Variants in PDE8A observed in about 807,000 individuals in gnomAD.
PDE8A encodes high affinity cAMP-specific and IBMX-insensitive 3',5'-cyclic phosphodiesterase 8A.
A neutral mutation model predicts 105.0 loss-of-function variants in PDE8A; 59 were observed. The ratio of observed to expected loss-of-function variants is 0.56; its 90% CI spans 0.46 to 0.70. The LOEUF (loss-of-function observed/expected upper bound fraction) is 0.70. Ranked by LOEUF, PDE8A falls within the 30% of genes least tolerant of loss-of-function variation. The pLI, the probability that PDE8A is intolerant of heterozygous loss-of-function variation, is 0.00. For missense variants in PDE8A, 1,014 were observed against 1,045.9 expected (o/e 0.97, Z 0.42); for synonymous variants, 355 against 371.9 (o/e 0.95, Z 0.52).
chr15:85,029,077 G>A (rs1484682887), intron 1 of PDE8A, among the ~76,000 whole-genome samples: 1 of 152,116 alleles, frequency 6.6e-6, no homozygotes, highest in African/African-American at 2.4e-5. Flanking sequence ...TTTCATTTAG[G>A]AATTCTTATT....
chr15:85,104,279 A>AATG (rs890693103), intron 11 of PDE8A, among the ~76,000 whole-genome samples: 1 of 152,140 alleles, frequency 6.6e-6, no homozygotes, highest in Non-Finnish European at 1.5e-5. Context: ...GCTTCCCAGC[A>AATG]ATGATGATGA....
rs1285119531 is a variant in PDE8A, at chr15:85,083,576, C to T, written c.567C>T (p.Asn189=). Residue 189 remains asparagine, a synonymous_variant, in exon 6 of 22, where the codon AAC becomes AAT. Transcript: ENST00000394553. The part of the protein sequence containing the change: ...GFTRRYVENP[N]IMACYNELLQ... ...TGTAGAGGTATGTAGAAAACCCCAA[C>T]ATCATGGCCTGCTACAATGAACTGC... The T allele has an allele frequency of 6.2e-7, 1 of 1,612,378 alleles. No individual in the cohort carries two copies. Among genetic ancestry groups the T allele is most frequent in the Non-Finnish European group, 8.5e-7 (1 of 1,178,428 alleles).
intron 6 of PDE8A, 88 bp from the exon 7 acceptor site, chr15:85,089,250 C>A (rs1322055585): frequency 1.3e-6 from 1 of 742,272 alleles, no homozygotes; most frequent in Non-Finnish European, 2.3e-6. Context: ...ATAAATCGGA[C>A]AAAAAATACA....
At chr15:85,070,329 G>A (rs534853179) in intron 3 of PDE8A, among the ~76,000 whole-genome samples, 1 of 152,250 alleles carries the variant, frequency 6.6e-6, no homozygotes, top group East Asian at 1.9e-4. Context: ...GGAACCCTAC[G>A]TTGTAAGTCT....
intron 2 of PDE8A, among the ~76,000 whole-genome samples, chr15:85,066,731 GAGTTCGA>G (rs2081235237): frequency 6.6e-6 from 1 of 152,048 alleles, no homozygotes; most frequent in African/African-American, 2.4e-5. Context: ...TTGAAGCCAG[GAGTTCGA>G]AATCAGCCTG....
intron 1 of PDE8A, among the ~76,000 whole-genome samples, chr15:85,001,994 G>C (rs1445715309): frequency 6.6e-6 from 1 of 151,934 alleles, no homozygotes; most frequent in Non-Finnish European, 1.5e-5. Context: ...TTAAGAGATG[G>C]GGTCTCGCTA....
chr15:84,992,166 A>G (rs778205466), intron 1 of PDE8A, among the ~76,000 whole-genome samples: 9 of 152,196 alleles, frequency 5.9e-5, no homozygotes, highest in Non-Finnish European at 1.0e-4. Context: ...TCAGGGAACA[A>G]TTAGTCCTTT....
intron 12 of PDE8A, among the ~76,000 whole-genome samples, chr15:85,109,382 T>C (rs958222203): frequency 1.3e-5 from 2 of 152,228 alleles, no homozygotes; most frequent in South Asian, 4.1e-4. Flanking sequence ...ATAGTTGCTT[T>C]TCTAAACTGT....
intron 14 of PDE8A, among the ~76,000 whole-genome samples, chr15:85,114,930 G>C (rs2082072344): frequency 6.6e-6 from 1 of 152,100 alleles, no homozygotes; most frequent in African/African-American, 2.4e-5. Context: ...TGGGCCAGGT[G>C]GTCTGGAAGC....
At chr15:85,040,723 G>A (rs530661302) in intron 1 of PDE8A, among the ~76,000 whole-genome samples, 19 of 151,954 alleles carry the variant, frequency 1.3e-4, no homozygotes, top group African/African-American at 4.6e-4. Context: ...ATCATACCCG[G>A]CTAATGTTTC....
chr15:85,072,082 C>G (rs1175183143), intron 3 of PDE8A, among the ~76,000 whole-genome samples: 2 of 152,274 alleles, frequency 1.3e-5, no homozygotes, highest in Middle Eastern at 3.4e-3. Context: ...AATGCAGAAG[C>G]AAGATTGAAC....
Position 85,017,266 on chromosome 15 carries a change from A to G in PDE8A, c.186+34918A>G, listed in dbSNP as rs901949501. Among the ~76,000 whole-genome samples the G allele has an allele frequency of 6.5e-4, 99 of 151,712 alleles. 1 individual carries two copies. In the East Asian group the frequency reaches 7.2e-3, roughly 11 times the overall value. On this transcript the variant is annotated intron_variant, in intron 1 of 21. Coordinates refer to ENST00000394553, the MANE Select transcript of PDE8A (RefSeq NM_002605.3). Reference sequence around the variant, plus strand: ...CTGGGCGACAGAGCGAGACTCCAAAAAAAAAAAAAATAAATAAATGAAGCC... The same window carrying G: ...CTGGGCGACAGAGCGAGACTCCAAAGAAAAAAAAAATAAATAAATGAAGCC...
At chr15:85,019,426 T>A (rs1273419550) in intron 1 of PDE8A, among the ~76,000 whole-genome samples, 1 of 152,192 alleles carries the variant, frequency 6.6e-6, no homozygotes, top group Non-Finnish European at 1.5e-5. Flanking sequence ...ACTTTTAAAA[T>A]TTTATTTTAA....
At chr15:85,052,568 G>T (rs1398732656) in intron 1 of PDE8A, among the ~76,000 whole-genome samples, 3 of 152,132 alleles carry the variant, frequency 2.0e-5, no homozygotes, top group Non-Finnish European at 4.4e-5. Context: ...TTTCTCTGAC[G>T]GCCAGTGATG....
At chr15:85,108,660 A>G (rs1336920961) in intron 11 of PDE8A, among the ~76,000 whole-genome samples, 1 of 152,142 alleles carries the variant, frequency 6.6e-6, no homozygotes, top group African/African-American at 2.4e-5. Context: ...TGTAGTCCTT[A>G]TTTTGTAGAG....
At chr15:85,108,899 G>A (rs1330288417) in intron 11 of PDE8A, among the ~76,000 whole-genome samples, 154 bp from the exon 12 acceptor site, 1 of 152,084 alleles carries the variant, frequency 6.6e-6, no homozygotes, top group Non-Finnish European at 1.5e-5. Flanking sequence ...CCATAAAACT[G>A]GTTTCTCATA....
At chr15:84,992,543 T>C (rs983662098) in intron 1 of PDE8A, among the ~76,000 whole-genome samples, 9 of 152,030 alleles carry the variant, frequency 5.9e-5, no homozygotes, top group African/African-American at 2.2e-4. Context: ...TCATGAAGAT[T>C]AGGTTTCAGG....
At chr15:84,981,071 T>C (rs2079699104), upstream of PDE8A, among the ~76,000 whole-genome samples, 1 of 152,120 alleles carries the variant, frequency 6.6e-6, no homozygotes. Context: ...GGGTAACAGC[T>C]CCAGGGCTCA....
At chr15:85,110,092 G>T (rs1330307759) in intron 12 of PDE8A, among the ~76,000 whole-genome samples, 1 of 152,204 alleles carries the variant, frequency 6.6e-6, no homozygotes, top group Non-Finnish European at 1.5e-5. Context: ...TTCAATGAGT[G>T]TGTATGGTGC....
Sources: gnomAD v4.1 joint callset for allele counts (sites outside exome capture counted in the v4.1 genomes callset) on GRCh38, gnomAD v4.1.1 for gene constraint, MANE v1.5 for transcripts, NCBI Gene and HGNC (gene_info 2026-07-23, HGNC 2026-07-21) for gene names.